The following DSTN variants were observed in gnomAD, a reference collection of about 807,000 sequenced individuals.
The protein encoded by DSTN is destrin.
Under a neutral mutation model 16.8 loss-of-function variants are expected in DSTN, and 10 were observed. That is an observed-to-expected ratio of 0.60 (90% confidence interval 0.37 to 1.01). The LOEUF is 1.01. Among genes scored for constraint, DSTN ranks in the 50% least tolerant of loss-of-function variants. The pLI is 0.01. For missense variants in DSTN, 141 were observed against 196.7 expected (o/e 0.72, Z 1.69); for synonymous variants, 57 against 58.9 (o/e 0.97, Z 0.14).
At chr20:17,603,333 A>G (rs2035606508) in intron 2 of DSTN, among the ~76,000 whole-genome samples, 1 of 152,210 alleles carries the variant, frequency 6.6e-6, no homozygotes. Context: ...CTTGGAAACT[A>G]CAGCTTTAAG....
chr20:17,591,685 C>G (rs77955557), intron 1 of DSTN, among the ~76,000 whole-genome samples: 192 of 152,284 alleles, frequency 1.3e-3, no homozygotes, highest in African/African-American at 4.2e-3. Context: ...GCAGGTGATT[C>G]CTGTGCACAT....
intron 1 of DSTN, chr20:17,596,801 G>A: frequency 2.0e-6 from 2 of 985,422 alleles, no homozygotes; most frequent in Non-Finnish European, 2.4e-6. Flanking sequence ...GTAAGTTACA[G>A]CCAGATTTGG....
At chr20:17,601,890 C>G (rs2035590627) in intron 2 of DSTN, among the ~76,000 whole-genome samples, 1 of 150,130 alleles carries the variant, frequency 6.7e-6, no homozygotes, top group African/African-American at 2.4e-5. Flanking sequence ...GAGTAGAATT[C>G]TTTAGTTTCT....
intron 1 of DSTN, among the ~76,000 whole-genome samples, chr20:17,577,295 G>T (rs938457254): frequency 1.5e-4 from 23 of 152,172 alleles, no homozygotes; most frequent in African/African-American, 4.3e-4. Flanking sequence ...TCTCCAACTT[G>T]CCCTGGAGCA....
chr20:17,608,002 T>G lies in DSTN; in HGVS notation c.*856T>G, dbSNP rs1823622692. The G allele has an allele frequency of 6.6e-6, 1 of 152,220 alleles. No homozygotes were observed. The highest frequency in any genetic ancestry group is 1.5e-5 in the Non-Finnish European group (1 of 68,044). The allele number at this position is 152,220 out of a possible 1,614,324, so 9.4% of individuals were successfully genotyped here. ...GGTATAATAAAGTATGGAAGAATATTGAGTATATGTTTACTCTGGGCCTGG... is the reference window on the plus strand; with the variant it reads ...GGTATAATAAAGTATGGAAGAATATGGAGTATATGTTTACTCTGGGCCTGG... On this transcript the variant is annotated 3_prime_UTR_variant, in exon 4 of 4. Transcript: ENST00000246069.
intron 1 of DSTN, among the ~76,000 whole-genome samples, chr20:17,595,675 C>T (rs2035518987): frequency 6.6e-6 from 1 of 151,848 alleles, no homozygotes; most frequent in South Asian, 2.1e-4. Flanking sequence ...AATCCCAATT[C>T]CTCTATTGTT....
chr20:17,574,870 GTTTTTTT>G (rs533880691), intron 1 of DSTN, among the ~76,000 whole-genome samples: 2 of 81,156 alleles, frequency 2.5e-5, no homozygotes, highest in African/African-American at 9.9e-5. Flanking sequence ...CTTTTCTTTT[GTTTTTTT>G]TTTTTTTTTT....
chr20:17,579,754 C>T (rs757417198), intron 1 of DSTN, among the ~76,000 whole-genome samples: 10 of 152,190 alleles, frequency 6.6e-5, no homozygotes, highest in Non-Finnish European at 1.3e-4. Flanking sequence ...GGGATTCCTG[C>T]CTGACTAATC....
intron 1 of DSTN, among the ~76,000 whole-genome samples, chr20:17,574,865 C>CTTTTCTTT (rs1354147534): frequency 1.4e-4 from 9 of 64,268 alleles, no homozygotes; most frequent in African/African-American, 5.4e-4. Context: ...CTTTTCTTTT[C>CTTTTCTTT]TTTTGTTTTT....
intron 1 of DSTN, among the ~76,000 whole-genome samples, chr20:17,593,627 G>A (rs1029233891): frequency 6.6e-6 from 1 of 152,338 alleles, no homozygotes; most frequent in Admixed American, 6.5e-5. Flanking sequence ...CCAAAGAACT[G>A]TAGGGAAGTG....
At chr20:17,606,586 A>G (rs1191785497) in intron 3 of DSTN, among the ~76,000 whole-genome samples, 1 of 152,244 alleles carries the variant, frequency 6.6e-6, no homozygotes, top group Non-Finnish European at 1.5e-5. Context: ...AGAAAAGTGT[A>G]TGTCACAAAT....
intron 1 of DSTN, among the ~76,000 whole-genome samples, chr20:17,574,834 T>C (rs2035253296): frequency 6.7e-6 from 1 of 149,170 alleles, no homozygotes; most frequent in Non-Finnish European, 1.5e-5. Context: ...TTTTCCTTTC[T>C]TTTTTCTTTC....
chr20:17,581,085 G>A (rs1008908418), intron 1 of DSTN, among the ~76,000 whole-genome samples: 1 of 152,334 alleles, frequency 6.6e-6, no homozygotes, highest in East Asian at 1.9e-4. Context: ...GCCATTGGGT[G>A]TGTGATGGTG....
chr20:17,595,237 C>T (rs1015714025), intron 1 of DSTN, among the ~76,000 whole-genome samples: 1 of 152,112 alleles, frequency 6.6e-6, no homozygotes. Flanking sequence ...TGGAACTCCC[C>T]GTCATAGCTG....
chr20:17,573,318 G>T (rs571667942), intron 1 of DSTN, among the ~76,000 whole-genome samples: 91 of 148,698 alleles, frequency 6.1e-4, no homozygotes, highest in Middle Eastern at 3.4e-3. Context: ...TGTGGGGGTG[G>T]TTTTTTTTTT....
At chr20:17,579,568 G>GC (rs1165437531) in intron 1 of DSTN, among the ~76,000 whole-genome samples, 1 of 152,158 alleles carries the variant, frequency 6.6e-6, no homozygotes, top group African/African-American at 2.4e-5. Context: ...GGACGACAGA[G>GC]CAAGACCCTG....
intron 1 of DSTN, among the ~76,000 whole-genome samples, chr20:17,579,618 A>G (rs1600700630): frequency 6.6e-6 from 1 of 152,200 alleles, no homozygotes; most frequent in African/African-American, 2.4e-5. Flanking sequence ...TAAAGTGCTT[A>G]TCAGTTTATC....
intron 2 of DSTN, among the ~76,000 whole-genome samples, chr20:17,603,392 A>G (rs761271809): frequency 5.9e-5 from 9 of 152,192 alleles, no homozygotes; most frequent in Admixed American, 5.9e-4. Context: ...CTTTCAATGT[A>G]GTTTTGTTAT....
chr20:17,575,708 A>G (rs895402361), intron 1 of DSTN, among the ~76,000 whole-genome samples: 4 of 152,184 alleles, frequency 2.6e-5, no homozygotes, highest in African/African-American at 9.7e-5. Context: ...GACGGGGTTT[A>G]TAAAGATGGG....
Sources: gnomAD v4.1 joint callset for allele counts (sites outside exome capture counted in the v4.1 genomes callset) on GRCh38, gnomAD v4.1.1 for gene constraint, MANE v1.5 for transcripts, NCBI Gene and HGNC (gene_info 2026-07-23, HGNC 2026-07-21) for gene names.